STK33: variants seen among roughly 807,000 people sequenced by gnomAD.
STK33 encodes the protein serine/threonine kinase 33.
A neutral mutation model predicts 58.0 loss-of-function variants in STK33; 52 were observed. That is an observed-to-expected ratio of 0.90 (90% CI 0.72 to 1.13). The LOEUF is 1.13. STK33 is among the 50% of genes most tolerant of loss of function. The pLI is 0.00. For synonymous variants in STK33, 215 were observed against 200.1 expected, an observed-to-expected ratio of 1.07 and a Z score of -0.63; for missense variants, 630 against 604.2, an observed-to-expected ratio of 1.04 and a Z score of -0.45.
chr11:8,481,849 G>A (rs1949829214), intron 1 of STK33, among the ~76,000 whole-genome samples: 1 of 151,796 alleles, frequency 6.6e-6, no homozygotes, highest in Non-Finnish European at 1.5e-5. Context: ...TCAAACCCAA[G>A]GGCTTCTCCT....
intron 1 of STK33, among the ~76,000 whole-genome samples, chr11:8,589,655 T>C (rs1352489591): frequency 6.6e-6 from 1 of 152,164 alleles, no homozygotes; most frequent in Non-Finnish European, 1.5e-5. Context: ...ATGTAAATTA[T>C]ATCTCAATAA....
intron 1 of STK33, among the ~76,000 whole-genome samples, chr11:8,484,881 T>C (rs1950093491): frequency 6.6e-6 from 1 of 152,166 alleles, no homozygotes; most frequent in Non-Finnish European, 1.5e-5. Flanking sequence ...CAATAAGCCT[T>C]AGGCATGTTA....
At chr11:8,393,467 T>C (rs1161577144) in intron 15 of STK33, among the ~76,000 whole-genome samples, 2 of 152,178 alleles carry the variant, frequency 1.3e-5, no homozygotes, top group Admixed American at 1.3e-4. Context: ...GTTTTGACGT[T>C]AGGCCCATTT....
At chr11:8,377,468 C>T in the STK33 span, among the ~76,000 whole-genome samples, 1 of 152,120 alleles carries the variant, frequency 6.6e-6, no homozygotes, top group Non-Finnish European at 1.5e-5. Context: ...AAGGGACTTA[C>T]CCCAAAATAA....
intron 1 of STK33, among the ~76,000 whole-genome samples, chr11:8,523,980 C>T (rs984624520): frequency 6.6e-6 from 1 of 152,310 alleles, no homozygotes; most frequent in Non-Finnish European, 1.5e-5. Flanking sequence ...AAGAAAAATT[C>T]TTCTGCCTTG....
the STK33 span, among the ~76,000 whole-genome samples, chr11:8,345,290 C>T: frequency 2.0e-5 from 3 of 152,140 alleles, no homozygotes; most frequent in South Asian, 2.1e-4. Context: ...TAATATTAGT[C>T]GTAAAACCAC....
intron 1 of STK33, among the ~76,000 whole-genome samples, chr11:8,557,302 GA>G (rs2140853650): frequency 8.0e-6 from 1 of 125,240 alleles, no homozygotes; most frequent in African/African-American, 3.0e-5. Flanking sequence ...GAGAAGAGGA[GA>G]GGGAGGAGGA....
chr11:8,577,106 T>G (rs1030735573), intron 1 of STK33, among the ~76,000 whole-genome samples: 2 of 152,160 alleles, frequency 1.3e-5, no homozygotes, highest in African/African-American at 4.8e-5. Context: ...ATGTGTCTAG[T>G]AAATAGTTAG....
chr11:8,559,530 C>A (rs1050196862), intron 1 of STK33, among the ~76,000 whole-genome samples: 7 of 152,194 alleles, frequency 4.6e-5, no homozygotes, highest in Non-Finnish European at 8.8e-5. Context: ...GTACGTCATG[C>A]AAAGTAGGAG....
intron 1 of STK33, among the ~76,000 whole-genome samples, chr11:8,522,434 T>G (rs1953550025): frequency 6.6e-6 from 1 of 150,662 alleles, no homozygotes. Context: ...TGAGAACAGT[T>G]GGACACAGGG....
At chr11:8,509,139 A>AAAG (rs1565224056) in intron 1 of STK33, among the ~76,000 whole-genome samples, 9 of 149,906 alleles carry the variant, frequency 6.0e-5, no homozygotes, top group South Asian at 2.2e-4. Context: ...AAAAAAAAAA[A>AAAG]GCCACTCATT....
intron 1 of STK33, among the ~76,000 whole-genome samples, chr11:8,579,338 C>T (rs1044660139): frequency 2.6e-5 from 4 of 151,918 alleles, no homozygotes; most frequent in Non-Finnish European, 5.9e-5. Flanking sequence ...AAATGAAATG[C>T]CACCAATTTA....
intron 1 of STK33, among the ~76,000 whole-genome samples, chr11:8,512,967 C>T (rs1422458068): frequency 2.0e-5 from 3 of 152,148 alleles, no homozygotes; most frequent in African/African-American, 7.2e-5. Context: ...CAAGGACTTA[C>T]TATTGTAGCC....
At chr11:8,441,171 C>T (rs1158217602) in intron 11 of STK33, among the ~76,000 whole-genome samples, 2 of 152,026 alleles carry the variant, frequency 1.3e-5, no homozygotes, top group African/African-American at 4.8e-5. Flanking sequence ...AACTAAGGTA[C>T]GTGGTTATAA....
At chr11:8,353,304 T>C in the STK33 span, among the ~76,000 whole-genome samples, 1 of 152,304 alleles carries the variant, frequency 6.6e-6, no homozygotes, top group East Asian at 1.9e-4. Flanking sequence ...ATAGCTTGGG[T>C]TCTGACTAAG....
At chr11:8,535,914 G>A (rs1954962550) in intron 1 of STK33, among the ~76,000 whole-genome samples, 1 of 152,104 alleles carries the variant, frequency 6.6e-6, no homozygotes, top group Admixed American at 6.5e-5. Context: ...ATACTCTTTG[G>A]CCATAAAAAA....
rs538980911 is a variant in STK33, at chr11:8,516,972, T to G, written c.-465-36358A>C. Reference sequence around the variant, plus strand: ...CTTAAACGTCCCTGTGTGATGGCTTTGAAGACAGTAGCGGTTCTCTCAGCA... The same window carrying G: ...CTTAAACGTCCCTGTGTGATGGCTTGGAAGACAGTAGCGGTTCTCTCAGCA... On this transcript the variant is annotated intron_variant, in intron 1 of 15. Transcript: ENST00000687296. Among the ~76,000 whole-genome samples the G allele has an allele frequency of 2.0e-5, 3 of 152,302 alleles. 1 individual carries two copies. The South Asian group carries it at 6.2e-4, about 32-fold the overall frequency.
At chr11:8,441,410 G>A (rs1358474958) in intron 11 of STK33, among the ~76,000 whole-genome samples, 1 of 151,594 alleles carries the variant, frequency 6.6e-6, no homozygotes, top group Non-Finnish European at 1.5e-5. Context: ...GGAGTGCAGT[G>A]GCATGATCAC....
chr11:8,580,456 G>A (rs529417132), intron 1 of STK33, among the ~76,000 whole-genome samples: 237 of 151,012 alleles, frequency 1.6e-3, no homozygotes, highest in African/African-American at 5.1e-3. Flanking sequence ...AGAAAGGATG[G>A]TTACTAGAGG....
Sources: allele counts gnomAD v4.1 joint callset (sites outside exome capture counted in the v4.1 genomes callset), GRCh38; gene constraint gnomAD v4.1.1; transcripts MANE v1.5; gene names NCBI Gene and HGNC (gene_info 2026-07-23, HGNC 2026-07-21).